The following PPM1E variants were observed in gnomAD, a reference collection of about 807,000 sequenced individuals.
PPM1E encodes the protein protein phosphatase 1E.
Under a neutral mutation model 65.9 loss-of-function variants are expected in PPM1E, and 20 were observed. That is an observed-to-expected ratio of 0.30 (90% CI 0.21 to 0.44). The LOEUF is 0.44. Among genes scored for constraint, PPM1E ranks in the 20% least tolerant of loss-of-function variants. The pLI, the probability that PPM1E is intolerant of heterozygous loss-of-function variation, is 1.00. For synonymous variants in PPM1E, 352 were observed against 374.9 expected (o/e 0.94, Z 0.70); for missense variants, 713 against 953.1 (o/e 0.75, Z 3.32).
chr17:58,935,113 C>T (rs1443993030), intron 1 of PPM1E, among the ~76,000 whole-genome samples: 1 of 143,458 alleles, frequency 7.0e-6, no homozygotes, highest in African/African-American at 2.6e-5. Context: ...TAGCTGGGCG[C>T]AGTGGCGGGT....
At chr17:58,956,915 C>T (rs529088981) in intron 2 of PPM1E, among the ~76,000 whole-genome samples, 5 of 152,138 alleles carry the variant, frequency 3.3e-5, no homozygotes, top group Non-Finnish European at 7.4e-5. Context: ...CTTCCTTTAT[C>T]TCTGTAGATT....
chr17:58,833,076 T>C (rs2050620764), intron 1 of PPM1E, among the ~76,000 whole-genome samples: 1 of 152,004 alleles, frequency 6.6e-6, no homozygotes, highest in African/African-American at 2.4e-5. Flanking sequence ...TTCACCTGCC[T>C]CAGCCTCACA....
At chr17:58,856,881 A>G (rs1266813110) in intron 1 of PPM1E, among the ~76,000 whole-genome samples, 5 of 152,196 alleles carry the variant, frequency 3.3e-5, no homozygotes, top group African/African-American at 9.6e-5. Flanking sequence ...CTAGCAAACT[A>G]ATACAGTCAT....
At chr17:58,927,470 CTT>C (rs1254304558) in intron 1 of PPM1E, among the ~76,000 whole-genome samples, 1 of 152,046 alleles carries the variant, frequency 6.6e-6, no homozygotes, top group African/African-American at 2.4e-5. Flanking sequence ...TATTTTCAGT[CTT>C]TTGGCCTTCT....
intron 1 of PPM1E, among the ~76,000 whole-genome samples, chr17:58,850,731 T>G (rs1160615066): frequency 6.6e-6 from 1 of 152,200 alleles, no homozygotes; most frequent in African/African-American, 2.4e-5. Flanking sequence ...ATTTCAACTT[T>G]GGTGAATCTG....
chr17:58,973,781 T>C (rs974649695), intron 6 of PPM1E, among the ~76,000 whole-genome samples: 1 of 151,818 alleles, frequency 6.6e-6, no homozygotes, highest in African/African-American at 2.4e-5. Flanking sequence ...TGAATCCCCG[T>C]CTCTACTAAA....
intron 4 of PPM1E, 135 bp from the exon 5 acceptor site, chr17:58,971,991 AATGAAT>A: frequency 1.3e-6 from 1 of 785,848 alleles, no homozygotes; most frequent in East Asian, 2.7e-5. Context: ...GCATTGAGAC[AATGAAT>A]TATTATATAT....
At chr17:58,838,884 A>G (rs1365526749) in intron 1 of PPM1E, among the ~76,000 whole-genome samples, 13 of 152,232 alleles carry the variant, frequency 8.5e-5, no homozygotes, top group Admixed American at 8.5e-4. Flanking sequence ...AGGAAAAGAC[A>G]TGGAGAAAAT....
chr17:58,857,395 C>T (rs753019567), intron 1 of PPM1E, among the ~76,000 whole-genome samples: 7 of 151,944 alleles, frequency 4.6e-5, no homozygotes, highest in Admixed American at 6.6e-5. Flanking sequence ...AGTACTATGT[C>T]GGTAGCAGTT....
chr17:58,805,995 C>CAAAAAAA (rs2050309804), intron 1 of PPM1E, among the ~76,000 whole-genome samples: 1 of 70,682 alleles, frequency 1.4e-5, no homozygotes, highest in Non-Finnish European at 2.7e-5. Context: ...CAAAACAAAA[C>CAAAAAAA]AAAACAAAAA....
At chr17:58,915,607 CTA>C (rs1422875910) in intron 1 of PPM1E, among the ~76,000 whole-genome samples, 3 of 152,140 alleles carry the variant, frequency 2.0e-5, no homozygotes, top group Admixed American at 2.0e-4. Flanking sequence ...TGACCAAAGA[CTA>C]TATTGAATCA....
intron 1 of PPM1E, among the ~76,000 whole-genome samples, chr17:58,840,409 A>G (rs2050706641): frequency 6.6e-6 from 1 of 152,252 alleles, no homozygotes; most frequent in African/African-American, 2.4e-5. Flanking sequence ...CTTTTCAGTC[A>G]GGCATTACAG....
intron 1 of PPM1E, among the ~76,000 whole-genome samples, chr17:58,799,840 A>G (rs1211021286): frequency 1.3e-5 from 2 of 152,206 alleles, no homozygotes; most frequent in East Asian, 3.8e-4. Context: ...TTGGCCTCCC[A>G]AAGTGCTGGG....
intron 1 of PPM1E, among the ~76,000 whole-genome samples, chr17:58,952,096 TC>T (rs2052247571): frequency 6.6e-6 from 1 of 152,208 alleles, no homozygotes. Context: ...TGTTGTAGTT[TC>T]TTTTGCTGTA....
intron 4 of PPM1E, among the ~76,000 whole-genome samples, chr17:58,970,932 A>G (rs2030565999): frequency 1.3e-5 from 2 of 151,750 alleles, no homozygotes; most frequent in African/African-American, 2.4e-5. Context: ...CCTCTATTCT[A>G]TTCTTTTTTT....
At chr17:58,907,161 G>A (rs750530121) in intron 1 of PPM1E, among the ~76,000 whole-genome samples, 6 of 151,904 alleles carry the variant, frequency 3.9e-5, no homozygotes, top group Non-Finnish European at 7.4e-5. Context: ...CAGGAGAATC[G>A]CTTGAACCCA....
chr17:58,961,776 G>A (rs1054052785), intron 2 of PPM1E, among the ~76,000 whole-genome samples: 6 of 152,154 alleles, frequency 3.9e-5, no homozygotes, highest in East Asian at 1.9e-4. Flanking sequence ...TAATGTGACC[G>A]AAAAACTGAA....
At chr17:58,934,381 A>G (rs1234699622) in intron 1 of PPM1E, among the ~76,000 whole-genome samples, 1 of 152,228 alleles carries the variant, frequency 6.6e-6, no homozygotes, top group Non-Finnish European at 1.5e-5. Context: ...CCTGTAGGTA[A>G]CAACTCAAGA....
chr17:58,770,519 A>G (rs903400793), intron 1 of PPM1E, among the ~76,000 whole-genome samples: 3 of 152,166 alleles, frequency 2.0e-5, no homozygotes, highest in African/African-American at 7.2e-5. Flanking sequence ...CCCGGGCAAC[A>G]TAGTGAGACC....
Sources: gnomAD v4.1 joint callset for allele counts (sites outside exome capture counted in the v4.1 genomes callset) on GRCh38, gnomAD v4.1.1 for gene constraint, MANE v1.5 for transcripts, NCBI Gene and HGNC (gene_info 2026-07-23, HGNC 2026-07-21) for gene names.